The following NTN4 variants were observed in gnomAD, a reference collection of about 807,000 sequenced individuals.
NTN4 encodes netrin 4.
In NTN4, 32 loss-of-function variants were observed where a neutral mutation model predicts 73.6. That is an observed-to-expected ratio of 0.44 (90% confidence interval 0.33 to 0.58). The LOEUF is 0.58. Among genes scored for constraint, NTN4 ranks in the 20% least tolerant of loss-of-function variants. The probability of loss-of-function intolerance (pLI) is 0.04; values close to 1 mark genes in which losing one functional copy is unlikely to be tolerated. For missense variants in NTN4, 654 were observed against 798.3 expected (o/e 0.82, Z 2.18); for synonymous variants, 258 against 287.5 (o/e 0.90, Z 1.04).
intron 5 of NTN4, 46 bp downstream of exon 5, chr12:95,710,395 C>G: frequency 6.6e-7 from 1 of 1,511,388 alleles, no homozygotes; most frequent in Non-Finnish European, 9.1e-7. Flanking sequence ...AGAGATTCAT[C>G]TCTTGTACAA....
chr12:95,710,499 G>A lies in NTN4; in HGVS notation c.1122C>T (p.Cys374=), dbSNP rs780695461. 1.7e-5 allele frequency: 28 copies of A among 1,613,994 alleles called. No individual in the cohort carries two copies. The South Asian group carries it at 3.1e-4, about 18-fold the overall frequency. Residue 374 remains cysteine, a synonymous_variant, in exon 5 of 10, where the codon TGC becomes TGT. Coordinates refer to ENST00000343702, the MANE Select transcript of NTN4 (RefSeq NM_021229.4). ...GCAGGTCACGATAGAAGCCTGGCTT[G>A]CACCTCTGGCAATACTGTCCTTCTG... ...HNTEGQYCQR[C]KPGFYRDLRR...
At chr12:95,671,601 C>A (rs2078230875) in intron 7 of NTN4, among the ~76,000 whole-genome samples, 1 of 152,186 alleles carries the variant, frequency 6.6e-6, no homozygotes, top group South Asian at 2.1e-4. Context: ...TGAGGTGGAA[C>A]AGCTTCATCC....
chr12:95,787,509 C>A (rs777752423), intron 1 of NTN4, 41 bp from the exon 2 acceptor site: 1 of 1,585,004 alleles, frequency 6.3e-7, no homozygotes, highest in Admixed American at 1.7e-5. Context: ...ACAAACCCAT[C>A]TGGAAAGCTC....
intron 9 of NTN4, chr12:95,663,583 C>T (rs1394625212): frequency 6.6e-6 from 1 of 152,154 alleles, no homozygotes; most frequent in African/African-American, 2.4e-5. Flanking sequence ...AGCAGGTTGG[C>T]GTGTAAGGTT....
At position 95,747,654 on chromosome 12, in the gene NTN4, T is replaced by C. The variant is rs376000682; in HGVS notation, c.586-9510A>G. ...TATGCTATGTTTTGATGCATCCTTATATATCCCCAACATCTAATACAATGC... is the reference window on the plus strand; with the variant it reads ...TATGCTATGTTTTGATGCATCCTTACATATCCCCAACATCTAATACAATGC... On this transcript the variant is annotated intron_variant, in intron 2 of 9. Coordinates refer to ENST00000343702, the MANE Select transcript of NTN4 (RefSeq NM_021229.4). 1.7e-4 allele frequency among the ~76,000 whole-genome samples: 26 copies of C among 152,254 alleles called. 1 individual carries two copies. The highest frequency in any genetic ancestry group is 6.3e-4 in the African/African-American group (26 of 41,564).
At chr12:95,717,079 G>T (rs1003474381) in intron 3 of NTN4, among the ~76,000 whole-genome samples, 1 of 152,114 alleles carries the variant, frequency 6.6e-6, no homozygotes, top group Non-Finnish European at 1.5e-5. Flanking sequence ...TAAAGGGTTG[G>T]GATCACAGGC....
At chr12:95,672,800 T>G in intron 7 of NTN4, 1 of 1,336,336 alleles carries the variant, frequency 7.5e-7, no homozygotes, top group Non-Finnish European at 1.1e-6. Flanking sequence ...GCTCTGCCCT[T>G]TTGGAATAAA....
rs8699 is a variant in NTN4, at chr12:95,658,107, A to G, written c.*979T>C. 59,775 of 152,102 alleles carry G rather than the reference A, an allele frequency of 0.39. 11,786 individuals carry two copies. The highest frequency in any genetic ancestry group is 0.52 in the East Asian group (2,689 of 5,168). 9.4% of individuals were successfully genotyped at this position (152,102 alleles called of 1,614,324 possible). A position where few individuals can be genotyped will look rare whatever the true frequency, so the allele number is the denominator to read the frequency against. ...TTACTGTTAAGAAAGACAAGGAGGA[A>G]AACTGTTTCAATGTTCAGGTTTAAA... On this transcript the variant is annotated 3_prime_UTR_variant, in exon 10 of 10. Transcript: ENST00000343702.
At chr12:95,721,539 T>C (rs2078647753) in intron 3 of NTN4, among the ~76,000 whole-genome samples, 1 of 152,216 alleles carries the variant, frequency 6.6e-6, no homozygotes, top group African/African-American at 2.4e-5. Flanking sequence ...TGAATACATT[T>C]ACAAACAGAG....
chr12:95,764,699 A>G (rs1271436399), intron 2 of NTN4, among the ~76,000 whole-genome samples: 1 of 152,002 alleles, frequency 6.6e-6, no homozygotes, highest in African/African-American at 2.4e-5. Flanking sequence ...AAAAAGCTAA[A>G]AAAGCACCAG....
chr12:95,662,623 G>A (rs1253548259), intron 9 of NTN4, among the ~76,000 whole-genome samples: 1 of 152,062 alleles, frequency 6.6e-6, no homozygotes, highest in Non-Finnish European at 1.5e-5. Flanking sequence ...GACACAGAGA[G>A]GTTTCAAACA....
intron 3 of NTN4, among the ~76,000 whole-genome samples, chr12:95,734,032 T>C (rs1370467389): frequency 1.4e-5 from 2 of 138,844 alleles, no homozygotes; most frequent in Non-Finnish European, 3.0e-5. Flanking sequence ...ATCACGCCAC[T>C]GCACTCCAGC....
chr12:95,747,336 T>C (rs2078869782), intron 2 of NTN4, among the ~76,000 whole-genome samples: 1 of 149,742 alleles, frequency 6.7e-6, no homozygotes, highest in Non-Finnish European at 1.5e-5. Context: ...TGTATTGTTT[T>C]CTTTTTTTTT....
intron 2 of NTN4, among the ~76,000 whole-genome samples, chr12:95,740,387 A>G (rs2078815226): frequency 6.6e-6 from 1 of 152,164 alleles, no homozygotes; most frequent in Non-Finnish European, 1.5e-5. Context: ...TTTTGTTCCC[A>G]TAAGGAAGGG....
intron 2 of NTN4, among the ~76,000 whole-genome samples, chr12:95,777,791 G>A (rs1339296453): frequency 6.6e-6 from 1 of 152,116 alleles, no homozygotes; most frequent in Non-Finnish European, 1.5e-5. Flanking sequence ...TCCAGGAATT[G>A]AACTCAGCTC....
At chr12:95,715,245 T>C (rs941762472) in intron 3 of NTN4, among the ~76,000 whole-genome samples, 1 of 152,274 alleles carries the variant, frequency 6.6e-6, no homozygotes, top group Admixed American at 6.5e-5. Context: ...GTGGCCATCT[T>C]GCTAAATTTC....
rs569207263 is a variant in NTN4, at chr12:95,684,845, T to C, written c.1181-1134A>G. On this transcript the variant is annotated intron_variant, in intron 5 of 9. Transcript: ENST00000343702. ...ACAAATTCGTGAGCCCTAACTTCAG[T>C]TGGATCTCCAAACCAATGCTCACCA... 1.5e-3 allele frequency among the ~76,000 whole-genome samples: 231 copies of C among 152,218 alleles called. 1 individual carries two copies. The highest frequency in any genetic ancestry group is 2.7e-3 in the Non-Finnish European group (185 of 68,028).
Position 95,693,748 on chromosome 12 carries a change from A to G in NTN4, c.1181-10037T>C, listed in dbSNP as rs957981934. On this transcript the variant is annotated intron_variant, in intron 5 of 9. Transcript: ENST00000343702. Reference sequence around the variant, plus strand: ...CCTGTCTCAATTGAAAAAAAAAAAAAAAAGAAAAAGAAAAAAAATTAACCT... The same window carrying G: ...CCTGTCTCAATTGAAAAAAAAAAAAGAAAGAAAAAGAAAAAAAATTAACCT... 4.6e-5 allele frequency among the ~76,000 whole-genome samples: 7 copies of G among 151,750 alleles called. No homozygotes were observed. The South Asian group carries it at 1.2e-3, about 27-fold the overall frequency.
At chr12:95,724,049 G>A (rs975989807) in intron 3 of NTN4, among the ~76,000 whole-genome samples, 1 of 151,710 alleles carries the variant, frequency 6.6e-6, no homozygotes, top group African/African-American at 2.4e-5. Flanking sequence ...AAGAATACTT[G>A]AGGATTTACT....
Sources: gnomAD v4.1 joint callset for allele counts (sites outside exome capture counted in the v4.1 genomes callset) on GRCh38, gnomAD v4.1.1 for gene constraint, MANE v1.5 for transcripts, NCBI Gene and HGNC (gene_info 2026-07-23, HGNC 2026-07-21) for gene names.